The following SMYD3 variants were observed in gnomAD, a reference collection of about 807,000 sequenced individuals.
SMYD3 encodes SET and MYND domain containing 3, also known as histone-lysine N-methyltransferase SMYD3.
Under a neutral mutation model 57.7 loss-of-function variants are expected in SMYD3, and 36 were observed. The observed-to-expected ratio is 0.62, with a 90% CI of 0.48 to 0.82. SMYD3 has a LOEUF of 0.82. Ranked by LOEUF, SMYD3 falls within the 40% of genes least tolerant of loss-of-function variation. The pLI is 0.00. For synonymous variants in SMYD3, 211 were observed against 195.0 expected (o/e 1.08, Z -0.68); for missense variants, 515 against 538.8 (o/e 0.96, Z 0.44).
intron 5 of SMYD3, among the ~76,000 whole-genome samples, chr1:246,007,563 A>G (rs973430802): frequency 1.1e-4 from 17 of 152,004 alleles, no homozygotes; most frequent in African/African-American, 4.1e-4. Context: ...TAATCCCAGT[A>G]TTTCGGGAGG....
chr1:245,778,976 A>G lies in SMYD3; in HGVS notation c.1077-14827T>C, dbSNP rs543222208. Among the ~76,000 whole-genome samples, 5 of 152,216 alleles carry G rather than the reference A, an allele frequency of 3.3e-5. No homozygotes were observed. The South Asian group carries it at 6.2e-4, about 19-fold the overall frequency. ...GGAGTTCGAGACCAGCCTGGCCAAC[A>G]TGGTGAAATCCTGTCTCTACTAAAA... is the stretch of plus-strand genomic sequence containing the variant. On this transcript the variant is annotated intron_variant, in intron 10 of 11. Transcript: ENST00000490107.
At chr1:245,949,392 A>G (rs946854758) in intron 5 of SMYD3, among the ~76,000 whole-genome samples, 2 of 152,104 alleles carry the variant, frequency 1.3e-5, no homozygotes, top group African/African-American at 4.8e-5. Context: ...TCTGCTAACA[A>G]CCACACCACC....
chr1:246,125,929 TC>T (rs1203968375), intron 5 of SMYD3, among the ~76,000 whole-genome samples: 2 of 152,174 alleles, frequency 1.3e-5, no homozygotes, highest in Admixed American at 1.3e-4. Flanking sequence ...ATCCACTGTA[TC>T]CATTTTATAC....
intron 10 of SMYD3, among the ~76,000 whole-genome samples, chr1:245,833,073 A>AAAAAAAAAC: frequency 1.6e-5 from 2 of 128,666 alleles, no homozygotes; most frequent in Admixed American, 7.7e-5. Flanking sequence ...AAAAAAAAAA[A>AAAAAAAAAC]AACCTGCTTT....
chr1:246,391,221 GAAA>G (rs58176373), intron 1 of SMYD3, among the ~76,000 whole-genome samples: 1 of 111,032 alleles, frequency 9.0e-6, no homozygotes, highest in South Asian at 3.0e-4. Flanking sequence ...CTCTATATCT[GAAA>G]AAAAAAAAAA....
At chr1:246,152,594 T>G (rs758787286) in intron 5 of SMYD3, among the ~76,000 whole-genome samples, 3 of 152,224 alleles carry the variant, frequency 2.0e-5, no homozygotes, top group Non-Finnish European at 4.4e-5. Flanking sequence ...TGCATGTAAT[T>G]TCATTCTAAA....
At chr1:246,060,954 A>G (rs2060242230) in intron 5 of SMYD3, among the ~76,000 whole-genome samples, 1 of 152,198 alleles carries the variant, frequency 6.6e-6, no homozygotes, top group Non-Finnish European at 1.5e-5. Flanking sequence ...TAGGCCAGGC[A>G]TGGTGGCTCA....
At chr1:246,255,207 G>A (rs146562080) in intron 5 of SMYD3, among the ~76,000 whole-genome samples, 113 of 152,096 alleles carry the variant, frequency 7.4e-4, no homozygotes, top group African/African-American at 2.7e-3. Flanking sequence ...TCTTGTTCCA[G>A]TTCTCAGGGA....
intron 10 of SMYD3, among the ~76,000 whole-genome samples, chr1:245,765,164 T>A (rs539113153): frequency 2.6e-5 from 4 of 150,952 alleles, no homozygotes; most frequent in Non-Finnish European, 3.0e-5. Context: ...GGCAGGCGGA[T>A]TGCTTGAGCT....
intron 1 of SMYD3, among the ~76,000 whole-genome samples, chr1:246,453,092 T>C (rs2067654257): frequency 6.6e-6 from 1 of 152,254 alleles, no homozygotes; most frequent in Non-Finnish European, 1.5e-5. Context: ...AATCATTTAA[T>C]TCATATAATC....
At chr1:245,979,483 G>A (rs1161632206) in intron 5 of SMYD3, among the ~76,000 whole-genome samples, 3 of 152,166 alleles carry the variant, frequency 2.0e-5, no homozygotes, top group Non-Finnish European at 4.4e-5. Flanking sequence ...AGGTGGCCAT[G>A]AGAAGACAGA....
chr1:246,003,377 G>C (rs1052535358), intron 5 of SMYD3, among the ~76,000 whole-genome samples: 12 of 152,284 alleles, frequency 7.9e-5, no homozygotes, highest in African/African-American at 2.9e-4. Context: ...AACTCTTTTA[G>C]GACTAATTCC....
chr1:246,238,477 A>T (rs10802365), intron 5 of SMYD3, among the ~76,000 whole-genome samples: 31,564 of 152,136 alleles, frequency 0.21, 3,992 homozygotes, highest in East Asian at 0.58. Flanking sequence ...TTTTGGAGAC[A>T]GATAGTCAAC....
At chr1:245,833,073 A>AAAAAAAAAAAAAAAAAAC in intron 10 of SMYD3, among the ~76,000 whole-genome samples, 1,454 of 128,308 alleles carry the variant, frequency 0.011, 71 homozygotes, top group East Asian at 0.054. Context: ...AAAAAAAAAA[A>AAAAAAAAAAAAAAAAAAC]AACCTGCTTT....
chr1:245,837,997 C>T (rs1205498425), intron 10 of SMYD3, among the ~76,000 whole-genome samples: 1 of 152,202 alleles, frequency 6.6e-6, no homozygotes, highest in African/African-American at 2.4e-5. Context: ...GGAGTATCAT[C>T]GAATTAGTTG....
At chr1:245,912,824 C>A (rs1382797349) in intron 8 of SMYD3, among the ~76,000 whole-genome samples, 1 of 152,152 alleles carries the variant, frequency 6.6e-6, no homozygotes, top group African/African-American at 2.4e-5. Context: ...TGAAACTAAA[C>A]CCTTATCTGT....
At chr1:245,945,802 T>C (rs2057410802) in intron 5 of SMYD3, among the ~76,000 whole-genome samples, 1 of 152,202 alleles carries the variant, frequency 6.6e-6, no homozygotes, top group Non-Finnish European at 1.5e-5. Flanking sequence ...CACGATCATG[T>C]TCTTTGCAGG....
chr1:245,979,505 T>C (rs892142995), intron 5 of SMYD3, among the ~76,000 whole-genome samples: 2 of 148,312 alleles, frequency 1.3e-5, no homozygotes, highest in African/African-American at 5.0e-5. Context: ...ACAAGGAGAG[T>C]TCCACATGAA....
intron 5 of SMYD3, among the ~76,000 whole-genome samples, chr1:246,296,573 A>C (rs1311584170): frequency 6.6e-6 from 1 of 152,094 alleles, no homozygotes; most frequent in African/African-American, 2.4e-5. Flanking sequence ...ATACAAAATA[A>C]CTAAATTATT....
Sources: gnomAD v4.1 joint callset for allele counts (sites outside exome capture counted in the v4.1 genomes callset) on GRCh38, gnomAD v4.1.1 for gene constraint, MANE v1.5 for transcripts, NCBI Gene and HGNC (gene_info 2026-07-23, HGNC 2026-07-21) for gene names.